Variants in CADPS observed in about 807,000 individuals in gnomAD.
The protein encoded by CADPS is calcium dependent secretion activator, also known as calcium-dependent secretion activator 1.
CADPS carries 57 observed loss-of-function variants against 167.3 expected under a neutral mutation model. That is an observed-to-expected ratio of 0.34 (90% CI 0.28 to 0.42). The LOEUF (loss-of-function observed/expected upper bound fraction) is 0.42. CADPS is among the 20% of genes least tolerant of loss of function. CADPS has a pLI of 1.00. For missense variants in CADPS, 1,414 were observed against 1,738.1 expected (o/e 0.81, Z 3.32); for synonymous variants, 676 against 635.3 (o/e 1.06, Z -0.96).
intron 1 of CADPS, among the ~76,000 whole-genome samples, chr3:62,790,989 G>T (rs1347360231): frequency 1.7e-5 from 2 of 114,418 alleles, no homozygotes; most frequent in Admixed American, 9.4e-5. Flanking sequence ...CACATGTGTT[G>T]GCTCCTAAGT....
intron 1 of CADPS, among the ~76,000 whole-genome samples, chr3:62,829,173 T>A (rs975134929): frequency 6.6e-6 from 1 of 152,070 alleles, no homozygotes; most frequent in Admixed American, 6.6e-5. Context: ...GCTCATGGAG[T>A]TGGGCCTTTG....
chr3:62,872,907 G>T (rs2082888625), intron 1 of CADPS, among the ~76,000 whole-genome samples: 1 of 152,146 alleles, frequency 6.6e-6, no homozygotes, highest in Non-Finnish European at 1.5e-5. Context: ...GATAGATTTT[G>T]GAGGTTGAAG....
intron 12 of CADPS, among the ~76,000 whole-genome samples, chr3:62,534,009 A>G (rs1561789475): frequency 6.6e-6 from 1 of 152,292 alleles, no homozygotes; most frequent in South Asian, 2.1e-4. Context: ...GCATGATGGG[A>G]TGGAAATTGC....
chr3:62,420,908 A>ACT lies in CADPS; in HGVS notation c.3777+17195_3777+17196insAG. ...CACACACACACACACACACAGGCACACACACACACACTTGCCAGATCACTT... is the reference window on the plus strand; with the variant it reads ...CACACACACACACACACACAGGCACACTCACACACACACTTGCCAGATCACTT... On this transcript the variant is annotated intron_variant, in intron 28 of 29. Transcript: ENST00000383710. This position sits in a 1 kb window ranked among gnomAD's most constrained non-coding sequence, Gnocchi z 4.1. 7.3e-6 allele frequency among the ~76,000 whole-genome samples: 1 copy of ACT among 137,678 alleles called. No individual in the cohort carries two copies. Among genetic ancestry groups the ACT allele is most frequent in the Non-Finnish European group, 1.6e-5 (1 of 63,746 alleles). The allele number at this position is 137,678 out of a possible 152,430, so 90.3% of individuals were successfully genotyped here. A position where few individuals can be genotyped will look rare whatever the true frequency, so the allele number is the denominator to read the frequency against.
At chr3:62,714,597 G>A (rs952523507) in intron 3 of CADPS, among the ~76,000 whole-genome samples, 5 of 152,150 alleles carry the variant, frequency 3.3e-5, no homozygotes, top group Admixed American at 3.3e-4. Flanking sequence ...AAAGTATCAG[G>A]TGGTTCAAAA....
chr3:62,870,946 C>G (rs978632537), intron 1 of CADPS, among the ~76,000 whole-genome samples: 2 of 152,138 alleles, frequency 1.3e-5, no homozygotes, highest in African/African-American at 2.4e-5. Flanking sequence ...AAGCAAAGAA[C>G]TGCTTTCCAA....
chr3:62,655,888 G>T lies in CADPS; in HGVS notation c.970-4808C>A, dbSNP rs1395121649. On this transcript the variant is annotated intron_variant, in intron 4 of 29. Coordinates refer to ENST00000383710, the MANE Select transcript of CADPS (RefSeq NM_003716.4). ...AAAACCAGCCGAGAGGTGATGGTATGGGGGGACATGCCAGAAAGTGACCAG... is the reference window on the plus strand; with the variant it reads ...AAAACCAGCCGAGAGGTGATGGTATTGGGGGACATGCCAGAAAGTGACCAG... Among the ~76,000 whole-genome samples the T allele has an allele frequency of 2.0e-5, 3 of 152,102 alleles. No homozygotes were observed. The East Asian group carries it at 5.8e-4, about 29-fold the overall frequency.
intron 7 of CADPS, among the ~76,000 whole-genome samples, chr3:62,590,270 C>T (rs1031415472): frequency 5.3e-5 from 8 of 152,000 alleles, no homozygotes; most frequent in Non-Finnish European, 1.0e-4. Context: ...GAGCATCCTG[C>T]GCTGGTCAGT....
At chr3:62,767,900 A>T (rs1292227098) in intron 1 of CADPS, among the ~76,000 whole-genome samples, 3 of 152,202 alleles carry the variant, frequency 2.0e-5, no homozygotes, top group Non-Finnish European at 4.4e-5. Context: ...TATTAATGAG[A>T]CAGTTTACGT....
At chr3:62,613,257 C>A (rs2061749483) in intron 6 of CADPS, among the ~76,000 whole-genome samples, 1 of 152,122 alleles carries the variant, frequency 6.6e-6, no homozygotes, top group African/African-American at 2.4e-5. Context: ...GTCTCTGGAG[C>A]CCAGCATCCT....
intron 6 of CADPS, among the ~76,000 whole-genome samples, chr3:62,615,664 T>C (rs1486457478): frequency 6.6e-6 from 1 of 152,052 alleles, no homozygotes; most frequent in Non-Finnish European, 1.5e-5. Context: ...TCTCACAATA[T>C]TGTGGGAATA....
Position 62,530,800 on chromosome 3 carries a change from A to G in CADPS, c.2291+2071T>C, listed in dbSNP as rs1291269676. On this transcript the variant is annotated intron_variant, in intron 13 of 29. Coordinates refer to ENST00000383710, the MANE Select transcript of CADPS (RefSeq NM_003716.4). ...TTGGTGGCAGCCCACTAAGGTACAC[A>G]TGCATTTGTTGACTTTGGAGAGGGG... is the stretch of plus-strand genomic sequence containing the variant. The G allele has an allele frequency of 5.5e-6, 7 of 1,276,138 alleles. No homozygotes were observed. In the Admixed American group the frequency reaches 1.7e-4, roughly 31 times the overall value. 79.1% of individuals were successfully genotyped at this position (1,276,138 alleles called of 1,614,324 possible).
At chr3:62,648,784 A>T (rs994293292) in intron 5 of CADPS, among the ~76,000 whole-genome samples, 1 of 151,846 alleles carries the variant, frequency 6.6e-6, no homozygotes, top group Non-Finnish European at 1.5e-5. Flanking sequence ...GGAAGACAAG[A>T]GGCAGTAGGG....
At chr3:62,574,181 A>G (rs2081848503) in intron 8 of CADPS, among the ~76,000 whole-genome samples, 1 of 152,012 alleles carries the variant, frequency 6.6e-6, no homozygotes, top group South Asian at 2.1e-4. Context: ...TTTCCTTCTC[A>G]TCTCTATGCT....
chr3:62,578,190 T>TAGC (rs1228519869), intron 8 of CADPS, among the ~76,000 whole-genome samples: 4 of 14,530 alleles, frequency 2.8e-4, no homozygotes, highest in Non-Finnish European at 2.0e-3. Context: ...GCTAACACTT[T>TAGC]TTTTTTTTTT....
chr3:62,723,893 C>A (rs1045170092), intron 3 of CADPS, among the ~76,000 whole-genome samples: 1 of 152,154 alleles, frequency 6.6e-6, no homozygotes, highest in African/African-American at 2.4e-5. Flanking sequence ...CAGTGGGAGG[C>A]CTTGGAGAGG....
intron 3 of CADPS, among the ~76,000 whole-genome samples, chr3:62,747,768 C>A (rs1482868115): frequency 6.6e-6 from 1 of 152,148 alleles, no homozygotes; most frequent in African/African-American, 2.4e-5. Flanking sequence ...AACAGATTAT[C>A]GTCTTATCCT....
At chr3:62,768,223 C>T (rs1282368401) in intron 1 of CADPS, among the ~76,000 whole-genome samples, 1 of 152,134 alleles carries the variant, frequency 6.6e-6, no homozygotes, top group African/African-American at 2.4e-5. Context: ...ATACCCGTAA[C>T]ATACATTTAT....
chr3:62,563,040 G>C (rs1271406671), intron 9 of CADPS, among the ~76,000 whole-genome samples: 2 of 152,186 alleles, frequency 1.3e-5, no homozygotes, highest in Non-Finnish European at 2.9e-5. Context: ...AGAGACAGAG[G>C]CTTGATAATA....
Sources: gnomAD v4.1 joint callset for allele counts (sites outside exome capture counted in the v4.1 genomes callset) on GRCh38, gnomAD v4.1.1 for gene constraint, Gnocchi (gnomAD v3.1) non-coding constraint, MANE v1.5 for transcripts, NCBI Gene and HGNC (gene_info 2026-07-23, HGNC 2026-07-21) for gene names.